Variants in TIAM1 observed in about 807,000 individuals in gnomAD.
The protein encoded by TIAM1 is rho guanine nucleotide exchange factor TIAM1.
Under a neutral mutation model 163.5 loss-of-function variants are expected in TIAM1, and 65 were observed. That is an observed-to-expected ratio of 0.40 (90% CI 0.33 to 0.49). The LOEUF (loss-of-function observed/expected upper bound fraction) is 0.49, where lower values mean the gene tolerates loss of function less well. Among genes scored for constraint, TIAM1 ranks in the 20% least tolerant of loss-of-function variants. The pLI is 0.77. For synonymous variants in TIAM1, 833 were observed against 810.1 expected (o/e 1.03, Z -0.48); for missense variants, 1,789 against 2,044.7 (o/e 0.87, Z 2.41).
At chr21:31,346,709 T>C (rs1178423579), upstream of TIAM1, among the ~76,000 whole-genome samples, 3 of 152,174 alleles carry the variant, frequency 2.0e-5, no homozygotes, top group Admixed American at 1.3e-4. Context: ...AGGAAGGCGC[T>C]TCATCTCATT....
chr21:31,508,392 T>C (rs1433795746), intron 1 of TIAM1, among the ~76,000 whole-genome samples: 2 of 151,132 alleles, frequency 1.3e-5, no homozygotes, highest in Non-Finnish European at 1.5e-5. Context: ...AATTTCTTTT[T>C]TTTTTTTTTT....
At chr21:31,475,176 G>C (rs2045899386) in intron 1 of TIAM1, among the ~76,000 whole-genome samples, 1 of 151,644 alleles carries the variant, frequency 6.6e-6, no homozygotes, top group Non-Finnish European at 1.5e-5. Context: ...CCTCAGCCCT[G>C]CAAGTAGCTG....
At chr21:31,182,718 T>C in intron 14 of TIAM1, 73 bp from the exon 15 acceptor site, 1 of 1,464,472 alleles carries the variant, frequency 6.8e-7, no homozygotes, top group South Asian at 1.3e-5. Context: ...AGCTCTGCTA[T>C]AAAGGGCACA....
chr21:31,394,506 G>A (rs946589759), intron 2 of TIAM1, among the ~76,000 whole-genome samples: 1 of 152,038 alleles, frequency 6.6e-6, no homozygotes, highest in African/African-American at 2.4e-5. Context: ...ATGAACTCTG[G>A]GTGGTGATGA....
intron 1 of TIAM1, among the ~76,000 whole-genome samples, chr21:31,547,252 A>G (rs1488633643): frequency 6.6e-6 from 1 of 152,242 alleles, no homozygotes; most frequent in Non-Finnish European, 1.5e-5. Context: ...CAGGTTCCTC[A>G]TGCTAACCGG....
chr21:31,280,032 G>GCA (rs10635457), intron 2 of TIAM1, among the ~76,000 whole-genome samples: 1,764 of 151,188 alleles, frequency 0.012, 28 homozygotes, highest in African/African-American at 0.039. Context: ...ACGCGTGCGC[G>GCA]CACACACACA....
chr21:31,311,898 G>T (rs970532525), intron 2 of TIAM1, among the ~76,000 whole-genome samples: 1 of 150,306 alleles, frequency 6.7e-6, no homozygotes, highest in Non-Finnish European at 1.5e-5. Flanking sequence ...CTGCCAGCAC[G>T]GCCAGAATAA....
chr21:31,463,812 CAA>C (rs35597903), intron 2 of TIAM1, among the ~76,000 whole-genome samples: 20 of 130,592 alleles, frequency 1.5e-4, no homozygotes, highest in African/African-American at 1.6e-4. Flanking sequence ...GCTCCGTCTC[CAA>C]AAAAAAAAAA....
At chr21:31,177,922 C>T (rs900994905) in intron 15 of TIAM1, among the ~76,000 whole-genome samples, 2 of 152,150 alleles carry the variant, frequency 1.3e-5, no homozygotes, top group African/African-American at 4.8e-5. Flanking sequence ...GGCTCTCTGT[C>T]GAGGACACCA....
At chr21:31,415,508 G>A (rs996870819) in intron 2 of TIAM1, among the ~76,000 whole-genome samples, 4 of 152,126 alleles carry the variant, frequency 2.6e-5, no homozygotes, top group African/African-American at 7.2e-5. Context: ...TCAGGGATAT[G>A]GGTGATCAGT....
At chr21:31,286,937 T>C (rs1359003021) in intron 2 of TIAM1, among the ~76,000 whole-genome samples, 1 of 152,176 alleles carries the variant, frequency 6.6e-6, no homozygotes, top group Non-Finnish European at 1.5e-5. Flanking sequence ...CTCCTCATTT[T>C]AAAATGGAAA....
chr21:31,171,317 G>C (rs753290904), intron 15 of TIAM1, among the ~76,000 whole-genome samples: 3 of 152,122 alleles, frequency 2.0e-5, no homozygotes, highest in African/African-American at 7.2e-5. Context: ...AGGGGAGAGA[G>C]AGATTTCTTA....
chr21:31,537,710 C>G (rs1376519253), intron 1 of TIAM1, among the ~76,000 whole-genome samples: 2 of 151,908 alleles, frequency 1.3e-5, no homozygotes, highest in African/African-American at 4.8e-5. Context: ...CAAGATCGCA[C>G]CACTGCACTC....
chr21:31,396,996 A>T (rs558747928), intron 2 of TIAM1, among the ~76,000 whole-genome samples: 71 of 152,212 alleles, frequency 4.7e-4, no homozygotes, highest in African/African-American at 1.7e-3. Context: ...CCACTTTTCT[A>T]ATAGTGGAAA....
chr21:31,459,554 A>T (rs952020649), intron 2 of TIAM1, among the ~76,000 whole-genome samples: 3 of 152,202 alleles, frequency 2.0e-5, no homozygotes, highest in Non-Finnish European at 4.4e-5. Context: ...AAGGCCCCAG[A>T]TGTTTAATTA....
At chr21:31,444,580 G>A (rs913723811) in intron 2 of TIAM1, among the ~76,000 whole-genome samples, 2 of 152,038 alleles carry the variant, frequency 1.3e-5, no homozygotes, top group Admixed American at 1.3e-4. Context: ...AAATTTGTCA[G>A]CTTGAGGGAA....
At position 31,267,109 on chromosome 21, in the gene TIAM1, T is replaced by A. The variant is rs2072821027; in HGVS notation, c.-11-126A>T. 2.3e-6 allele frequency: 3 copies of A among 1,330,118 alleles called. No homozygotes were observed. The South Asian group carries it at 4.5e-5, about 20-fold the overall frequency. 82.4% of individuals were successfully genotyped at this position (1,330,118 alleles called of 1,614,324 possible). A position where few individuals can be genotyped will look rare whatever the true frequency, so the allele number is the denominator to read the frequency against. ...TGGCTCACAGGGGTTGTTAGGTAAG[T>A]AACAGCACAACTTCCTATATGCACC... On this transcript the variant is annotated intron_variant, in intron 3 of 27. Transcript: ENST00000541036.
chr21:31,302,877 G>A (rs1262965277), intron 2 of TIAM1, among the ~76,000 whole-genome samples: 1 of 152,140 alleles, frequency 6.6e-6, no homozygotes, highest in African/African-American at 2.4e-5. Context: ...AAAATCTCCT[G>A]AAACAGCAAT....
At chr21:31,429,571 C>T (rs2043922694) in intron 2 of TIAM1, among the ~76,000 whole-genome samples, 1 of 152,272 alleles carries the variant, frequency 6.6e-6, no homozygotes, top group Middle Eastern at 3.4e-3. Context: ...AATTCCCTCT[C>T]CTGGACGGCA....
Sources: gnomAD v4.1 joint callset for allele counts (sites outside exome capture counted in the v4.1 genomes callset) on GRCh38, gnomAD v4.1.1 for gene constraint, MANE v1.5 for transcripts, NCBI Gene and HGNC (gene_info 2026-07-23, HGNC 2026-07-21) for gene names.